FGF14: variants seen among roughly 807,000 people sequenced by gnomAD.
The protein encoded by FGF14 is fibroblast growth factor 14.
FGF14 carries 5 observed loss-of-function variants against 25.5 expected under a neutral mutation model. The ratio of observed to expected loss-of-function variants is 0.20; its 90% confidence interval spans 0.10 to 0.41. FGF14 has a LOEUF of 0.41. Ranked by LOEUF, FGF14 falls within the 10% of genes least tolerant of loss-of-function variation. The pLI is 1.00. For missense variants in FGF14, 222 were observed against 320.1 expected, an observed-to-expected ratio of 0.69 and a Z score of 2.34; for synonymous variants, 138 against 118.3, an observed-to-expected ratio of 1.17 and a Z score of -1.08.
chr13:101,927,315 A>C (rs1042900139), intron 1 of FGF14, among the ~76,000 whole-genome samples: 4 of 152,228 alleles, frequency 2.6e-5, no homozygotes, highest in Non-Finnish European at 5.9e-5. Flanking sequence ...TCTCCCCGAC[A>C]GGGAGGGATA....
chr13:101,880,004 A>G lies in FGF14; in HGVS notation c.194-4708T>C, dbSNP rs533180481. On this transcript the variant is annotated intron_variant, in intron 1 of 4. Transcript: ENST00000376143. ...TAAGGAAAATGATAGATAAAATTAA[A>G]GGCATGGGAAAATTTGCTATCTTTG... is the stretch of plus-strand genomic sequence containing the variant. Among the ~76,000 whole-genome samples, 165 of 152,324 alleles carry G rather than the reference A, an allele frequency of 1.1e-3. 2 individuals carry two copies. In the Middle Eastern group the frequency reaches 0.014, roughly 13 times the overall value.
intron 1 of FGF14, among the ~76,000 whole-genome samples, chr13:101,923,366 C>T (rs1171564225): frequency 6.6e-6 from 1 of 152,000 alleles, no homozygotes; most frequent in Non-Finnish European, 1.5e-5. Flanking sequence ...TATATATTGG[C>T]ATTTGTTTAA....
chr13:102,113,047 T>C (rs1595316486), intron 1 of FGF14, among the ~76,000 whole-genome samples: 1 of 152,234 alleles, frequency 6.6e-6, no homozygotes, highest in South Asian at 2.1e-4. Context: ...TTGATCTTCA[T>C]GGAGTACAAT....
intron 1 of FGF14, among the ~76,000 whole-genome samples, chr13:102,312,222 C>CAAAA (rs34575465): frequency 0.012 from 1,130 of 96,866 alleles, 10 homozygotes; most frequent in Middle Eastern, 0.02. Context: ...AGACCTAAAC[C>CAAAA]AAAAAAAAAA....
chr13:102,220,805 C>T (rs1332242313), intron 1 of FGF14, among the ~76,000 whole-genome samples: 1 of 152,198 alleles, frequency 6.6e-6, no homozygotes, highest in Non-Finnish European at 1.5e-5. Context: ...TAAGATTATA[C>T]AAGTTAACAT....
intron 1 of FGF14, among the ~76,000 whole-genome samples, chr13:102,041,774 T>C (rs2041754856): frequency 6.6e-6 from 1 of 152,142 alleles, no homozygotes; most frequent in South Asian, 2.1e-4. Context: ...TATTTTCTTC[T>C]AGAAGTGTCT....
At chr13:102,222,762 C>T (rs948480182) in intron 1 of FGF14, among the ~76,000 whole-genome samples, 1 of 152,104 alleles carries the variant, frequency 6.6e-6, no homozygotes, top group Non-Finnish European at 1.5e-5. Flanking sequence ...TGTGGTTATC[C>T]TGCTCATTCT....
At chr13:101,807,873 G>A (rs2041286996) in intron 3 of FGF14, among the ~76,000 whole-genome samples, 5 of 152,058 alleles carry the variant, frequency 3.3e-5, no homozygotes, top group Admixed American at 3.3e-4. Context: ...TGTCATTGAA[G>A]TAAGAAGAAT....
At chr13:102,384,652 C>T (rs2058260632) in intron 1 of FGF14, among the ~76,000 whole-genome samples, 1 of 152,164 alleles carries the variant, frequency 6.6e-6, no homozygotes, top group South Asian at 2.1e-4. Flanking sequence ...TATGATATTA[C>T]TGTACCCTAC....
At chr13:102,117,798 A>G (rs2045542833) in intron 1 of FGF14, among the ~76,000 whole-genome samples, 1 of 152,208 alleles carries the variant, frequency 6.6e-6, no homozygotes, top group African/African-American at 2.4e-5. Flanking sequence ...AATAAGAAAA[A>G]TATGTGTAAG....
chr13:102,162,685 T>C (rs942918497), intron 1 of FGF14, among the ~76,000 whole-genome samples: 6 of 152,218 alleles, frequency 3.9e-5, no homozygotes, highest in East Asian at 1.9e-4. Context: ...GAGAGTGAAA[T>C]TTGGTTTATA....
chr13:102,170,910 T>C (rs2048218655), intron 1 of FGF14, among the ~76,000 whole-genome samples: 1 of 152,212 alleles, frequency 6.6e-6, no homozygotes, highest in Non-Finnish European at 1.5e-5. Flanking sequence ...AAATGGTTCA[T>C]GTCAATATCT....
intron 1 of FGF14, among the ~76,000 whole-genome samples, chr13:101,956,016 G>C (rs2036492452): frequency 6.6e-6 from 1 of 152,162 alleles, no homozygotes; most frequent in African/African-American, 2.4e-5. Context: ...TTGGTTCACT[G>C]GTGAAGACTC....
At chr13:102,327,402 A>G (rs1382902391) in intron 1 of FGF14, among the ~76,000 whole-genome samples, 3 of 152,238 alleles carry the variant, frequency 2.0e-5, no homozygotes, top group African/African-American at 7.2e-5. Context: ...TATACAATGC[A>G]AGGGCAAGTA....
intron 1 of FGF14, among the ~76,000 whole-genome samples, chr13:102,236,596 A>G (rs1483152545): frequency 6.6e-6 from 1 of 152,156 alleles, no homozygotes; most frequent in Non-Finnish European, 1.5e-5. Context: ...TGGAAAGAAG[A>G]GCCTGATCTC....
At chr13:102,205,643 G>A (rs2049871560) in intron 1 of FGF14, among the ~76,000 whole-genome samples, 2 of 151,566 alleles carry the variant, frequency 1.3e-5, no homozygotes. Flanking sequence ...TCTCCAAATG[G>A]GAGATGCTAG....
At chr13:102,022,001 C>A (rs767722091) in intron 1 of FGF14, among the ~76,000 whole-genome samples, 1 of 152,042 alleles carries the variant, frequency 6.6e-6, no homozygotes, top group Non-Finnish European at 1.5e-5. Flanking sequence ...TCATGATTCA[C>A]GGGGACTCCC....
chr13:102,382,269 A>G (rs1002869352), intron 1 of FGF14, among the ~76,000 whole-genome samples: 1 of 152,274 alleles, frequency 6.6e-6, no homozygotes, highest in Admixed American at 6.5e-5. Context: ...ATACAAAAAG[A>G]GCTCTTACAA....
chr13:101,787,311 T>C (rs1054311843), intron 3 of FGF14, among the ~76,000 whole-genome samples: 6 of 152,198 alleles, frequency 3.9e-5, no homozygotes, highest in Admixed American at 6.5e-5. Flanking sequence ...ATCTAGCATA[T>C]TGAATAGCTG....
Sources: allele counts gnomAD v4.1 joint callset (sites outside exome capture counted in the v4.1 genomes callset), GRCh38; gene constraint gnomAD v4.1.1; transcripts MANE v1.5; gene names NCBI Gene and HGNC (gene_info 2026-07-23, HGNC 2026-07-21).